Variants in ZBTB3 observed in about 807,000 individuals in gnomAD.
The protein encoded by ZBTB3 is zinc finger and BTB domain containing 3.
A neutral mutation model predicts 30.6 loss-of-function variants in ZBTB3; 15 were observed. That is an observed-to-expected ratio of 0.49 (90% CI 0.33 to 0.75). The LOEUF is 0.75. Among genes scored for constraint, ZBTB3 ranks in the 30% least tolerant of loss-of-function variants. ZBTB3 has a pLI of 0.02. For missense variants in ZBTB3, 599 were observed against 652.1 expected (o/e 0.92, Z 0.89); for synonymous variants, 258 against 261.7 (o/e 0.99, Z 0.14).
In ZBTB3 at chr11:62,751,995, A is replaced by C; in HGVS notation, c.*95T>G. On this transcript the variant is annotated 3_prime_UTR_variant, in exon 2 of 2. Coordinates refer to ENST00000394807, the MANE Select transcript of ZBTB3 (RefSeq NM_001370809.1). Reference sequence around the variant, plus strand: ...AACTTTCAGCCTGGGCAGAGCCTTTATTCTTGTCACCCAGCAGGGGTGATA... The same window carrying C: ...AACTTTCAGCCTGGGCAGAGCCTTTCTTCTTGTCACCCAGCAGGGGTGATA... 1 of 1,255,938 alleles carries C rather than the reference A, an allele frequency of 8.0e-7. No homozygotes were observed. Among genetic ancestry groups the C allele is most frequent in the Non-Finnish European group, 1.1e-6 (1 of 913,404 alleles). 77.8% of individuals were successfully genotyped at this position (1,255,938 alleles called of 1,614,324 possible).
chr11:62,753,112 C>G lies in ZBTB3; in HGVS notation c.553G>C (p.Asp185His). 2 of 1,614,202 alleles carry G rather than the reference C, an allele frequency of 1.2e-6. No individual in the cohort carries two copies. The highest frequency in any genetic ancestry group is 1.7e-6 in the Non-Finnish European group (2 of 1,180,040). Reference sequence around the variant, plus strand: ...GCCCCACTAGACATTGGTGGCTCATCTGGAGGACGGACAGTAGGTGAGGGA... The same window carrying G: ...GCCCCACTAGACATTGGTGGCTCATGTGGAGGACGGACAGTAGGTGAGGGA... ...AAPSPTVRPP[D>H]EPPMSSGADT... Residue 185 changes from aspartate (D) to histidine (H), a missense_variant, in exon 2 of 2, where the codon GAT (aspartate) becomes CAT (histidine). Physicochemically the swap from Asp to His is moderately conservative, Grantham distance 81 (BLOSUM62 -1). Transcript: ENST00000394807.
Position 62,752,282 on chromosome 11 carries a change from C to A in ZBTB3, c.1383G>T (p.Gln461His). The change falls in exon 2 of 2, where the codon CAG (glutamine) becomes CAT (histidine). Residue 461 changes from glutamine (Q) to histidine (H), a missense_variant. Gln to His is a conservative substitution (Grantham distance 24). Transcript: ENST00000394807. ...GGATGTGGCGGTAGAGGTCCCCTGA[C>A]TGCGTGTAGCTCCGCAGGCAGTAGC... is the stretch of plus-strand genomic sequence containing the variant. Reference protein sequence around the residue: ...ECRYCLRSYTQSGDLYRHIRK... With the variant: ...ECRYCLRSYTHSGDLYRHIRK... 1 of 1,614,176 alleles carries A rather than the reference C, an allele frequency of 6.2e-7. No homozygotes were observed. The highest frequency in any genetic ancestry group is 8.5e-7 in the Non-Finnish European group (1 of 1,180,028).
rs368974485 is a variant in ZBTB3, at chr11:62,752,829, G to T, written c.836C>A (p.Thr279Lys). 3 of 1,613,928 alleles carry T rather than the reference G, an allele frequency of 1.9e-6. No individual in the cohort carries two copies. The African/African-American group carries it at 4.0e-5, about 22-fold the overall frequency. The change falls in exon 2 of 2, where the codon ACG (threonine) becomes AAG (lysine). Residue 279 changes from threonine to lysine, a missense_variant. By Grantham distance (78) the Thr-to-Lys change is moderately conservative (BLOSUM62 -1). Transcript: ENST00000394807. ...AGCTGAGACAGGGGCTGGGGCTGAC[G>T]TTGGGGCTGAGGCTGGGGGATAGAA... ...QGFYPPASAP[T>K]SAPAPVSAPV...
Position 62,753,968 on chromosome 11 carries a change from T to G in ZBTB3, c.-56A>C, listed in dbSNP as rs1176379027. ...CTCCGCTTCCTTGATGCCCACCCGG[T>G]AGCGTCCAACGGCTCCACGAAGTAG... On this transcript the variant is annotated 5_prime_UTR_variant, in exon 1 of 2. Coordinates refer to ENST00000394807, the MANE Select transcript of ZBTB3 (RefSeq NM_001370809.1). The G allele has an allele frequency of 2.5e-6, 4 of 1,610,628 alleles. No individual in the cohort carries two copies. Among genetic ancestry groups the G allele is most frequent in the South Asian group, 1.1e-5 (1 of 90,980 alleles).
In ZBTB3 at chr11:62,754,101, G is replaced by A; in HGVS notation, c.-189C>T. On this transcript the variant is annotated 5_prime_UTR_variant, in exon 1 of 2. Coordinates refer to ENST00000394807, the MANE Select transcript of ZBTB3 (RefSeq NM_001370809.1). ...TCCAGGGGCTAAGGACTACCAGGGT[G>A]GGAACTAGCGGAGAAAGCTGATACC... The A allele has an allele frequency of 1.2e-6, 2 of 1,600,548 alleles. No individual in the cohort carries two copies. Among genetic ancestry groups the A allele is most frequent in the Non-Finnish European group, 1.7e-6 (2 of 1,167,832 alleles).
At position 62,753,964 on chromosome 11, in the gene ZBTB3, C is replaced by A. The variant is rs780594017; in HGVS notation, c.-52G>T. 9 of 1,614,068 alleles carry A rather than the reference C, an allele frequency of 5.6e-6. No homozygotes were observed. The highest frequency in any genetic ancestry group is 7.6e-6 in the Non-Finnish European group (9 of 1,180,020). ...CACCCTCCGCTTCCTTGATGCCCAC[C>A]CGGTAGCGTCCAACGGCTCCACGAA... On this transcript the variant is annotated splice_region_variant and 5_prime_UTR_variant, in exon 1 of 2. Coordinates refer to ENST00000394807, the MANE Select transcript of ZBTB3 (RefSeq NM_001370809.1).
chr11:62,754,036 G>T lies in ZBTB3; in HGVS notation c.-124C>A. On this transcript the variant is annotated 5_prime_UTR_variant, in exon 1 of 2. Coordinates refer to ENST00000394807, the MANE Select transcript of ZBTB3 (RefSeq NM_001370809.1). ...AGGCCTTGCCAGGCGATGCCTCTAC[G>T]CCCCACTTCGAGAACTCCCTAAGCA... The T allele has an allele frequency of 6.2e-7, 1 of 1,614,010 alleles. No homozygotes were observed. Among genetic ancestry groups the T allele is most frequent in the South Asian group, 1.1e-5 (1 of 91,082 alleles).
In ZBTB3 at chr11:62,752,567, T is replaced by C; in HGVS notation, c.1098A>G (p.Pro366=). The change falls in exon 2 of 2, where the codon CCA becomes CCG. Residue 366 remains proline (P), a synonymous_variant. Coordinates refer to ENST00000394807, the MANE Select transcript of ZBTB3 (RefSeq NM_001370809.1). ...EEVGPSDHFL[P]TDPHLPYHLL... ...GATGGTAGGGTAGATGAGGGTCTGT[T>C]GGCAGGAAGTGGTCACTTGGCCCCA... 1 of 1,614,174 alleles carries C rather than the reference T, an allele frequency of 6.2e-7. No homozygotes were observed. The highest frequency in any genetic ancestry group is 8.5e-7 in the Non-Finnish European group (1 of 1,180,040).
chr11:62,752,644 G>A lies in ZBTB3; in HGVS notation c.1021C>T (p.Pro341Ser), dbSNP rs761367423. ...TCTTCAAAAGCCTCTGGCTGGGAGG[G>A]CTGTGCCCCATACACTGCTCCTCCA... ...PSGGAVYGAQ[P>S]SQPEAFEDPG... Residue 341 changes from proline to serine, a missense_variant, in exon 2 of 2, where the codon CCC becomes TCC. Physicochemically the swap from Pro to Ser is moderately conservative, Grantham distance 74. Transcript: ENST00000394807. 6.2e-7 allele frequency: 1 copy of A among 1,614,220 alleles called. No individual in the cohort carries two copies. The highest frequency in any genetic ancestry group is 1.1e-5 in the South Asian group (1 of 91,088).
Position 62,752,836 on chromosome 11 carries a change from C to A in ZBTB3, c.829G>T (p.Ala277Ser), listed in dbSNP as rs146723418. 6.2e-7 allele frequency: 1 copy of A among 1,613,960 alleles called. No homozygotes were observed. The highest frequency in any genetic ancestry group is 1.3e-5 in the African/African-American group (1 of 74,898). Residue 277 changes from alanine to serine, a missense_variant, in exon 2 of 2, where the codon GCC (alanine) becomes TCC (serine). Physicochemically the swap from Ala to Ser is moderately conservative, Grantham distance 99 (BLOSUM62 1). Coordinates refer to ENST00000394807, the MANE Select transcript of ZBTB3 (RefSeq NM_001370809.1). ...ACAGGGGCTGGGGCTGACGTTGGGG[C>A]TGAGGCTGGGGGATAGAAGCCTTGC... ...PLQGFYPPAS[A>S]PTSAPAPVSA...
rs772365078 is a variant in ZBTB3 at position 62,753,987 on chromosome 11, G to C, written c.-75C>G. 4 of 1,610,972 alleles carry C rather than the reference G, an allele frequency of 2.5e-6. No individual in the cohort carries two copies. The highest frequency in any genetic ancestry group is 3.4e-6 in the Non-Finnish European group (4 of 1,179,356). On this transcript the variant is annotated 5_prime_UTR_variant, in exon 1 of 2. Transcript: ENST00000394807. ...ACCCGGTAGCGTCCAACGGCTCCAC[G>C]AAGTAGAGATCTTTTTCGCTCCCAG...
rs758796592 is a variant in ZBTB3, at chr11:62,752,151, T to C, written c.1514A>G (p.Gln505Arg). The C allele has an allele frequency of 6.2e-7, 1 of 1,614,038 alleles. No homozygotes were observed. The highest frequency in any genetic ancestry group is 2.2e-5 in the East Asian group (1 of 44,862). ...AGGTGGCCCTCCACCACTGCTGCTC[T>C]GTCTGTCTGCTGTTGGGGAGCCAGG... ...PLPGSPTADR[Q>R]SSSGGGPPKD... The change falls in exon 2 of 2, where the codon CAG becomes CGG. Residue 505 changes from glutamine (Q) to arginine (R), a missense_variant. Coordinates refer to ENST00000394807, the MANE Select transcript of ZBTB3 (RefSeq NM_001370809.1).
At chr11:62,753,778 C>G in intron 1 of ZBTB3, 63 bp from the exon 2 acceptor site, 1 of 1,545,172 alleles carries the variant, frequency 6.5e-7, no homozygotes, top group Non-Finnish European at 8.7e-7. Flanking sequence ...CAGCCCTTAA[C>G]TATCACTTGC....
In ZBTB3 at chr11:62,754,034, A is replaced by G. The variant is rs758671866; in HGVS notation, c.-122T>C. On this transcript the variant is annotated 5_prime_UTR_variant, in exon 1 of 2. Coordinates refer to ENST00000394807, the MANE Select transcript of ZBTB3 (RefSeq NM_001370809.1). ...CCAGGCCTTGCCAGGCGATGCCTCT[A>G]CGCCCCACTTCGAGAACTCCCTAAG... 3.1e-6 allele frequency: 5 copies of G among 1,613,932 alleles called. No individual in the cohort carries two copies. Among genetic ancestry groups the G allele is most frequent in the East Asian group, 2.2e-5 (1 of 44,842 alleles).
chr11:62,753,332 G>A lies in ZBTB3; in HGVS notation c.333C>T (p.Ile111=), dbSNP rs768540529. 9.9e-6 allele frequency: 16 copies of A among 1,614,066 alleles called. No individual in the cohort carries two copies. The East Asian group carries it at 3.1e-4, about 31-fold the overall frequency. The change falls in exon 2 of 2, where the codon ATC becomes ATT. Residue 111 remains isoleucine (I), a synonymous_variant. Coordinates refer to ENST00000394807, the MANE Select transcript of ZBTB3 (RefSeq NM_001370809.1). The part of the protein sequence containing the change: ...AAASYLHMND[I]VKVCKRRLQA... ...GAAGCCGCCGCTTACACACCTTGAC[G>A]ATGTCATTCATGTGCAAGTAGCTGG...
At position 62,754,139 on chromosome 11, in the gene ZBTB3, G is replaced by C; in HGVS notation, c.-227C>G. The C allele has an allele frequency of 1.4e-6, 2 of 1,438,532 alleles. No individual in the cohort carries two copies. The highest frequency in any genetic ancestry group is 2.0e-6 in the Non-Finnish European group (2 of 1,022,926). The allele number at this position is 1,438,532 out of a possible 1,614,324, so 89.1% of individuals were successfully genotyped here. On this transcript the variant is annotated 5_prime_UTR_variant, in exon 1 of 2. Coordinates refer to ENST00000394807, the MANE Select transcript of ZBTB3 (RefSeq NM_001370809.1). ...GAAAGCTGATACCTCACCCACCACCGAGCAGCCACAGGGCGAGCTCCGCCC... is the reference window on the plus strand; with the variant it reads ...GAAAGCTGATACCTCACCCACCACCCAGCAGCCACAGGGCGAGCTCCGCCC...
intron 1 of ZBTB3, 30 bp from the exon 2 acceptor site, chr11:62,753,745 G>C (rs759177624): frequency 1.9e-6 from 3 of 1,569,416 alleles, no homozygotes; most frequent in South Asian, 2.3e-5. Context: ...AGTTAAGACA[G>C]GTAACCTCCC....
chr11:62,752,436 G>C lies in ZBTB3; in HGVS notation c.1229C>G (p.Ala410Gly). The C allele has an allele frequency of 6.2e-7, 1 of 1,614,168 alleles. No homozygotes were observed. Among genetic ancestry groups the C allele is most frequent in the Non-Finnish European group, 8.5e-7 (1 of 1,180,030 alleles). ...AGTAAAAACCCCAAAGCTTCCTGGA[G>C]CTGCTTCGTACTCAGAAGACAGGTA... Reference protein sequence around the residue: ...PLYLSSEYEAAPGSFGVFTED... With the variant: ...PLYLSSEYEAGPGSFGVFTED... Residue 410 changes from alanine (A) to glycine (G), a missense_variant, in exon 2 of 2, where the codon GCT (alanine) becomes GGT (glycine). Physicochemically the swap from Ala to Gly is moderately conservative, Grantham distance 60. Transcript: ENST00000394807.
chr11:62,753,743 C>T lies in ZBTB3; in HGVS notation c.-51-28G>A, dbSNP rs773767062. On this transcript the variant is annotated intron_variant, in intron 1 of 1. Coordinates refer to ENST00000394807, the MANE Select transcript of ZBTB3 (RefSeq NM_001370809.1). ...GAGAAAAAAGGGCAGTGAGTTAAGA[C>T]AGGTAACCTCCCCAGCAACCTTATC... is the stretch of plus-strand genomic sequence containing the variant. The T allele has an allele frequency of 1.9e-6, 3 of 1,570,742 alleles. No individual in the cohort carries two copies. The South Asian group carries it at 3.4e-5, about 18-fold the overall frequency.
Sources: allele counts gnomAD v4.1 joint callset, GRCh38; gene constraint gnomAD v4.1.1; transcripts MANE v1.5; gene names NCBI Gene and HGNC (gene_info 2026-07-23, HGNC 2026-07-21).